The following PCDH9 variants were observed in gnomAD, a reference collection of about 807,000 sequenced individuals.
PCDH9 encodes protocadherin 9, also known as protocadherin-9.
PCDH9 carries 24 observed loss-of-function variants against 70.6 expected under a neutral mutation model. The ratio of observed to expected loss-of-function variants is 0.34; its 90% CI spans 0.25 to 0.48. The LOEUF (loss-of-function observed/expected upper bound fraction) is 0.48. PCDH9 is among the 20% of genes least tolerant of loss of function. PCDH9 has a pLI of 0.99. For synonymous variants in PCDH9, 562 were observed against 558.5 expected, an observed-to-expected ratio of 1.01 and a Z score of -0.09; for missense variants, 1,281 against 1,503.6, an observed-to-expected ratio of 0.85 and a Z score of 2.45.
intron 2 of PCDH9, among the ~76,000 whole-genome samples, chr13:66,936,863 A>AT (rs888352246): frequency 5.3e-5 from 8 of 152,148 alleles, no homozygotes; most frequent in Non-Finnish European, 1.0e-4. Context: ...TAAATCTAAG[A>AT]TTTTTTAACA....
At chr13:67,056,427 C>T (rs985924770) in intron 2 of PCDH9, among the ~76,000 whole-genome samples, 1 of 152,034 alleles carries the variant, frequency 6.6e-6, no homozygotes, top group Non-Finnish European at 1.5e-5. Context: ...TACTTATATT[C>T]CCCCAAAGAG....
At chr13:67,008,820 C>G (rs1173421841) in intron 2 of PCDH9, among the ~76,000 whole-genome samples, 1 of 152,074 alleles carries the variant, frequency 6.6e-6, no homozygotes, top group Non-Finnish European at 1.5e-5. Flanking sequence ...CGCTTCTAAT[C>G]TAGCCAATTC....
At chr13:66,953,725 G>A (rs2083222306) in intron 2 of PCDH9, among the ~76,000 whole-genome samples, 1 of 152,112 alleles carries the variant, frequency 6.6e-6, no homozygotes, top group East Asian at 1.9e-4. Context: ...AACCCAGCAT[G>A]TGGTATATGT....
intron 4 of PCDH9, among the ~76,000 whole-genome samples, chr13:66,409,186 A>C (rs552225260): frequency 4.6e-5 from 7 of 152,322 alleles, no homozygotes; most frequent in African/African-American, 1.7e-4. Flanking sequence ...GTGGCCAAAA[A>C]GAATTTTATA....
intron 2 of PCDH9, among the ~76,000 whole-genome samples, chr13:67,103,479 G>A (rs541093154): frequency 1.3e-5 from 2 of 152,224 alleles, no homozygotes; most frequent in African/African-American, 4.8e-5. Context: ...TTAAAATGGT[G>A]ACAAATATGC....
intron 2 of PCDH9, among the ~76,000 whole-genome samples, chr13:67,167,448 C>T (rs1035513488): frequency 6.6e-6 from 1 of 152,158 alleles, no homozygotes. Flanking sequence ...CTCTCTAGTA[C>T]ATAAATTCAA....
chr13:67,059,619 G>A (rs1486725957), intron 2 of PCDH9, among the ~76,000 whole-genome samples: 2 of 151,262 alleles, frequency 1.3e-5, no homozygotes. Context: ...CGGCTCAAGT[G>A]TCCTTTCAAG....
intron 3 of PCDH9, among the ~76,000 whole-genome samples, chr13:66,739,010 G>A (rs9540885): frequency 0.057 from 6,109 of 106,920 alleles, 179 homozygotes; most frequent in East Asian, 0.089. Context: ...GATACTCCTC[G>A]AGAAGAGCAA....
At chr13:66,949,918 T>A (rs373967849) in intron 2 of PCDH9, among the ~76,000 whole-genome samples, 13 of 152,076 alleles carry the variant, frequency 8.5e-5, no homozygotes, top group African/African-American at 3.1e-4. Flanking sequence ...ATTAAACTGC[T>A]ATTCAAGCAA....
At chr13:66,583,296 G>A (rs1225915487) in intron 4 of PCDH9, among the ~76,000 whole-genome samples, 1 of 152,004 alleles carries the variant, frequency 6.6e-6, no homozygotes, top group Non-Finnish European at 1.5e-5. Context: ...CTTACCACTT[G>A]ATTATCTACT....
intron 4 of PCDH9, among the ~76,000 whole-genome samples, chr13:66,622,571 G>C (rs1324621045): frequency 6.6e-6 from 1 of 152,156 alleles, no homozygotes; most frequent in African/African-American, 2.4e-5. Context: ...TCTGTATCTA[G>C]CTACTCTGGT....
chr13:66,468,927 A>G (rs1958564934), intron 4 of PCDH9, among the ~76,000 whole-genome samples: 1 of 152,148 alleles, frequency 6.6e-6, no homozygotes, highest in Admixed American at 6.6e-5. Context: ...AGGTTAGGAA[A>G]TAAATTTGGC....
chr13:66,411,645 G>GGATA (rs57986608), intron 4 of PCDH9, among the ~76,000 whole-genome samples: 8,199 of 150,996 alleles, frequency 0.054, 580 homozygotes, highest in African/African-American at 0.16. Context: ...TATAGATGAT[G>GGATA]GATAGATAGA....
chr13:66,646,318 A>G (rs894912718), intron 3 of PCDH9, among the ~76,000 whole-genome samples: 1 of 152,208 alleles, frequency 6.6e-6, no homozygotes, highest in Non-Finnish European at 1.5e-5. Flanking sequence ...ATTTCTTAAT[A>G]TAGCTGGGAT....
chr13:66,468,704 G>T (rs563309499), intron 4 of PCDH9, among the ~76,000 whole-genome samples: 1 of 152,146 alleles, frequency 6.6e-6, no homozygotes, highest in South Asian at 2.1e-4. Context: ...AATTGCTTGT[G>T]CACCTCAAAT....
chr13:66,934,643 T>G (rs544568944), intron 2 of PCDH9, among the ~76,000 whole-genome samples: 1 of 148,630 alleles, frequency 6.7e-6, no homozygotes, highest in South Asian at 2.1e-4. Context: ...GCTGAGGAAA[T>G]TTTAGTGAAT....
chr13:66,878,183 G>T (rs2081853183), intron 3 of PCDH9, among the ~76,000 whole-genome samples: 1 of 151,790 alleles, frequency 6.6e-6, no homozygotes, highest in African/African-American at 2.4e-5. Context: ...AAATGTAAGG[G>T]CCGTGGGACT....
At chr13:66,389,789 A>C (rs1956987229) in intron 4 of PCDH9, among the ~76,000 whole-genome samples, 1 of 152,190 alleles carries the variant, frequency 6.6e-6, no homozygotes, top group Non-Finnish European at 1.5e-5. Flanking sequence ...GAGGACTCAA[A>C]AAATAAGTCA....
At chr13:67,080,290 T>C (rs2085958168) in intron 2 of PCDH9, among the ~76,000 whole-genome samples, 2 of 152,252 alleles carry the variant, frequency 1.3e-5, no homozygotes, top group Admixed American at 1.3e-4. Flanking sequence ...ATAATTTTTA[T>C]CATTCCTTAA....
Sources: allele counts gnomAD v4.1 joint callset (sites outside exome capture counted in the v4.1 genomes callset), GRCh38; gene constraint gnomAD v4.1.1; transcripts MANE v1.5; gene names NCBI Gene and HGNC (gene_info 2026-07-23, HGNC 2026-07-21).